Variants in EYA4 observed in about 807,000 individuals in gnomAD.
EYA4 encodes the protein EYA transcriptional coactivator and phosphatase 4.
Under a neutral mutation model 87.9 loss-of-function variants are expected in EYA4, and 31 were observed. That is an observed-to-expected ratio of 0.35 (90% CI 0.27 to 0.48). EYA4 has a LOEUF of 0.48. Ranked by LOEUF, EYA4 falls within the 20% of genes least tolerant of loss-of-function variation. The pLI, the probability that EYA4 is intolerant of heterozygous loss-of-function variation, is 0.99. For synonymous variants in EYA4, 263 were observed against 270.6 expected, an observed-to-expected ratio of 0.97 and a Z score of 0.28; for missense variants, 678 against 761.4, an observed-to-expected ratio of 0.89 and a Z score of 1.29.
chr6:133,357,925 T>C (rs1001213757), intron 2 of EYA4, among the ~76,000 whole-genome samples: 1 of 151,742 alleles, frequency 6.6e-6, no homozygotes, highest in Non-Finnish European at 1.5e-5. Flanking sequence ...TAATATGAAA[T>C]ATATATTTGA....
chr6:133,516,327 A>G (rs191874490), intron 17 of EYA4, among the ~76,000 whole-genome samples: 2 of 152,200 alleles, frequency 1.3e-5, no homozygotes, highest in East Asian at 3.9e-4. Flanking sequence ...CTGTATAGCA[A>G]AACCCCGTGA....
chr6:133,427,408 T>C (rs182401181), intron 3 of EYA4, among the ~76,000 whole-genome samples: 1 of 152,326 alleles, frequency 6.6e-6, no homozygotes, highest in African/African-American at 2.4e-5. Flanking sequence ...ATAGTTCTAT[T>C]ACAGAAGTGG....
At chr6:133,302,411 A>G (rs1024419093) in intron 2 of EYA4, among the ~76,000 whole-genome samples, 1 of 152,180 alleles carries the variant, frequency 6.6e-6, no homozygotes, top group African/African-American at 2.4e-5. Flanking sequence ...ATCTAATACT[A>G]AAGTTGTACA....
At chr6:133,299,106 G>T (rs575865310) in intron 2 of EYA4, among the ~76,000 whole-genome samples, 9 of 152,220 alleles carry the variant, frequency 5.9e-5, no homozygotes, top group Admixed American at 4.6e-4. Flanking sequence ...ACAAAATCTG[G>T]CAGTCTGCTG....
At position 133,462,444 on chromosome 6, in the gene EYA4, C is replaced by G. The variant is rs1394049485; in HGVS notation, c.547C>G (p.Gln183Glu). ...GCCAGCCGTCTACACAGCCTACTCA[C>G]AGACAGGACAGCCCTACAGCTTGCC... ...QQPAVYTAYSQTGQPYSLPTY... is the reference protein window; with the variant it reads ...QQPAVYTAYSETGQPYSLPTY... The change falls in exon 8 of 20, where the codon CAG (glutamine) becomes GAG (glutamate). Residue 183 changes from glutamine to glutamate, a missense_variant. Coordinates refer to ENST00000355286, the MANE Select transcript of EYA4 (RefSeq NM_004100.5). 6.2e-7 allele frequency: 1 copy of G among 1,614,090 alleles called. No homozygotes were observed. The highest frequency in any genetic ancestry group is 1.1e-5 in the South Asian group (1 of 91,088).
chr6:133,490,446 C>T (rs570297923), intron 13 of EYA4, among the ~76,000 whole-genome samples: 6 of 149,808 alleles, frequency 4.0e-5, no homozygotes, highest in South Asian at 2.1e-4. Context: ...AAGAAATACA[C>T]TTCACCTATA....
intron 13 of EYA4, among the ~76,000 whole-genome samples, chr6:133,498,902 A>T (rs1797865759): frequency 6.6e-6 from 1 of 152,028 alleles, no homozygotes; most frequent in Admixed American, 6.6e-5. Flanking sequence ...AAATGGAATG[A>T]CTCTGCGTGA....
At chr6:133,319,240 T>G (rs550956748) in intron 2 of EYA4, among the ~76,000 whole-genome samples, 1 of 152,344 alleles carries the variant, frequency 6.6e-6, no homozygotes, top group Non-Finnish European at 1.5e-5. Context: ...GGTGATAGCT[T>G]TTAAAAGATA....
At chr6:133,477,272 T>C (rs938761312) in intron 11 of EYA4, among the ~76,000 whole-genome samples, 23 of 152,140 alleles carry the variant, frequency 1.5e-4, no homozygotes, top group African/African-American at 5.3e-4. Context: ...CAGTGTCTCC[T>C]ACACTTGTTA....
At chr6:133,525,381 A>C in intron 19 of EYA4, 127 bp downstream of exon 19, 1 of 798,466 alleles carries the variant, frequency 1.3e-6, no homozygotes, top group South Asian at 1.5e-5. Flanking sequence ...CAATAAGAGC[A>C]TGAGAGGGTC....
At chr6:133,254,088 T>A (rs181629441) in intron 1 of EYA4, among the ~76,000 whole-genome samples, 1 of 152,162 alleles carries the variant, frequency 6.6e-6, no homozygotes, top group East Asian at 1.9e-4. Flanking sequence ...AAAGCCTCAT[T>A]TGTACCAAAG....
At position 133,275,302 on chromosome 6, in the gene EYA4, G is replaced by A. The variant is rs111227855; in HGVS notation, c.33+489G>A. ...ACCAGCTTGATGGCAATCCTTTTAA[G>A]ATTCTGATTTCCCAAGGGAAAGGCT... On this transcript the variant is annotated intron_variant, in intron 2 of 19. Coordinates refer to ENST00000355286, the MANE Select transcript of EYA4 (RefSeq NM_004100.5). Among the ~76,000 whole-genome samples, 509 of 152,246 alleles carry A rather than the reference G, an allele frequency of 3.3e-3. 4 individuals carry two copies. Among genetic ancestry groups the A allele is most frequent in the African/African-American group, 0.012 (479 of 41,548 alleles).
At chr6:133,340,751 G>T (rs1782720027) in intron 2 of EYA4, among the ~76,000 whole-genome samples, 1 of 152,176 alleles carries the variant, frequency 6.6e-6, no homozygotes, top group Admixed American at 6.5e-5. Context: ...GGCCAATAAA[G>T]ACCTTGCCTT....
In EYA4 at chr6:133,383,767, A is replaced by G. The variant is rs143924639; in HGVS notation, c.83+1326A>G. Among the ~76,000 whole-genome samples, 231 of 152,230 alleles carry G rather than the reference A, an allele frequency of 1.5e-3. 1 individual carries two copies. Among genetic ancestry groups the G allele is most frequent in the African/African-American group, 5.3e-3 (221 of 41,554 alleles). ...TTGATCTTTGATCTTTGTTCTGTGTAATTAGCTATCAAAATGGAACTAACT... is the reference window on the plus strand; with the variant it reads ...TTGATCTTTGATCTTTGTTCTGTGTGATTAGCTATCAAAATGGAACTAACT... On this transcript the variant is annotated intron_variant, in intron 3 of 19. Coordinates refer to ENST00000355286, the MANE Select transcript of EYA4 (RefSeq NM_004100.5).
At chr6:133,449,027 T>G (rs867217957) in intron 5 of EYA4, among the ~76,000 whole-genome samples, 2 of 152,270 alleles carry the variant, frequency 1.3e-5, no homozygotes, top group South Asian at 2.1e-4. Context: ...ATTATTTGTA[T>G]TTGTATAGTT....
chr6:133,331,670 CAAG>C (rs1406037413), intron 2 of EYA4, among the ~76,000 whole-genome samples: 1 of 152,148 alleles, frequency 6.6e-6, no homozygotes, highest in Non-Finnish European at 1.5e-5. Flanking sequence ...TGTGGCCATC[CAAG>C]AAGATGGCTT....
At chr6:133,358,006 A>T (rs894867266) in intron 2 of EYA4, among the ~76,000 whole-genome samples, 8 of 152,140 alleles carry the variant, frequency 5.3e-5, no homozygotes, top group Non-Finnish European at 1.0e-4. Flanking sequence ...AAGTCTTGCT[A>T]CGGTATAATA....
chr6:133,243,920 A>AG (rs1774193703), intron 1 of EYA4, among the ~76,000 whole-genome samples: 1 of 152,230 alleles, frequency 6.6e-6, no homozygotes, highest in African/African-American at 2.4e-5. Context: ...TATCGAAAGC[A>AG]GACATAACTA....
intron 2 of EYA4, among the ~76,000 whole-genome samples, chr6:133,289,506 T>C (rs1562252123): frequency 6.6e-6 from 1 of 152,210 alleles, no homozygotes; most frequent in Non-Finnish European, 1.5e-5. Context: ...ACTGCTAGCA[T>C]TGAAAATTTA....
Sources: gnomAD v4.1 joint callset for allele counts (sites outside exome capture counted in the v4.1 genomes callset) on GRCh38, gnomAD v4.1.1 for gene constraint, MANE v1.5 for transcripts, NCBI Gene and HGNC (gene_info 2026-07-23, HGNC 2026-07-21) for gene names.